RABGAP1L: variants seen among roughly 807,000 people sequenced by gnomAD.
RABGAP1L encodes the protein rab GTPase-activating protein 1-like.
RABGAP1L carries 63 observed loss-of-function variants against 137.7 expected under a neutral mutation model. The ratio of observed to expected loss-of-function variants is 0.46; its 90% CI spans 0.37 to 0.56. The LOEUF (loss-of-function observed/expected upper bound fraction) is 0.56. RABGAP1L is among the 20% of genes least tolerant of loss of function. RABGAP1L has a pLI of 0.00. For synonymous variants in RABGAP1L, 431 were observed against 433.7 expected (o/e 0.99, Z 0.08); for missense variants, 1,095 against 1,244.0 (o/e 0.88, Z 1.80).
chr1:174,708,382 T>C (rs955666359), intron 17 of RABGAP1L, among the ~76,000 whole-genome samples: 1 of 152,176 alleles, frequency 6.6e-6, no homozygotes, highest in Non-Finnish European at 1.5e-5. Context: ...AGCTCTGGTC[T>C]GCAGCTCCCA....
intron 14 of RABGAP1L, among the ~76,000 whole-genome samples, chr1:174,653,239 G>T (rs1238831349): frequency 1.3e-5 from 2 of 152,178 alleles, no homozygotes; most frequent in African/African-American, 4.8e-5. Flanking sequence ...TGGGCTCCAT[G>T]GGGGTGGGAT....
At chr1:174,715,894 T>G (rs1463710490) in intron 17 of RABGAP1L, among the ~76,000 whole-genome samples, 1 of 152,216 alleles carries the variant, frequency 6.6e-6, no homozygotes, top group Non-Finnish European at 1.5e-5. Flanking sequence ...CTTTTCCAGC[T>G]GCACTTTTCA....
intron 4 of RABGAP1L, among the ~76,000 whole-genome samples, chr1:174,240,111 TGTTTTG>T (rs1671667691): frequency 6.6e-6 from 1 of 152,244 alleles, no homozygotes; most frequent in Admixed American, 6.5e-5. Flanking sequence ...AGAGATTTAG[TGTTTTG>T]ACTTGCCTCT....
chr1:174,403,556 A>C (rs1476868431), intron 13 of RABGAP1L, among the ~76,000 whole-genome samples: 1 of 152,100 alleles, frequency 6.6e-6, no homozygotes, highest in Non-Finnish European at 1.5e-5. Context: ...TAAAATGATG[A>C]AGTGCTTGGC....
chr1:174,186,337 G>A (rs751643266), intron 1 of RABGAP1L, among the ~76,000 whole-genome samples: 3 of 152,150 alleles, frequency 2.0e-5, no homozygotes, highest in Non-Finnish European at 4.4e-5. Flanking sequence ...GGCAGATGGT[G>A]AAGATGCAAG....
intron 12 of RABGAP1L, 97 bp downstream of exon 12, chr1:174,371,169 T>G: frequency 1.8e-6 from 1 of 564,906 alleles, no homozygotes; most frequent in Admixed American, 3.2e-5. Flanking sequence ...TTTTAAAGGA[T>G]TAATATTAAA....
At chr1:174,221,451 G>A (rs1431442327) in intron 3 of RABGAP1L, among the ~76,000 whole-genome samples, 1 of 152,170 alleles carries the variant, frequency 6.6e-6, no homozygotes, top group Non-Finnish European at 1.5e-5. Flanking sequence ...ATACTTGGGT[G>A]TCACAGAATA....
chr1:174,739,314 ATTAC>A (rs772555848), intron 17 of RABGAP1L, among the ~76,000 whole-genome samples: 3 of 152,364 alleles, frequency 2.0e-5, no homozygotes, highest in Non-Finnish European at 4.4e-5. Flanking sequence ...TGCTAGATAA[ATTAC>A]TTAACTGAAA....
chr1:174,752,491 C>G, intron 18 of RABGAP1L, 137 bp downstream of exon 18: 1 of 577,268 alleles, frequency 1.7e-6, no homozygotes, highest in Non-Finnish European at 2.9e-6. Context: ...CTGAGAAACT[C>G]TGATCCTCTT....
rs1679827095 is a variant in RABGAP1L, at chr1:174,703,575, A to G, written c.2169+1319A>G. Among the ~76,000 whole-genome samples the G allele has an allele frequency of 3.9e-5, 6 of 152,064 alleles. No homozygotes were observed. In the South Asian group the frequency reaches 1.2e-3, roughly 31 times the overall value. On this transcript the variant is annotated intron_variant, in intron 17 of 25. Transcript: ENST00000681986. ...TAAGTGCACGAATCTTTTTTTATAC[A>G]CTGATTTCTTTTCCTTTGGATAGGT...
chr1:174,812,659 A>T (rs1689986845), intron 19 of RABGAP1L, among the ~76,000 whole-genome samples: 1 of 152,216 alleles, frequency 6.6e-6, no homozygotes, highest in Non-Finnish European at 1.5e-5. Flanking sequence ...ACATTCTTGC[A>T]GAAGGAAACA....
At chr1:174,501,772 T>C (rs1398988431) in intron 13 of RABGAP1L, among the ~76,000 whole-genome samples, 1 of 152,168 alleles carries the variant, frequency 6.6e-6, no homozygotes, top group African/African-American at 2.4e-5. Flanking sequence ...TTAGTGTTTC[T>C]AAAACACTTG....
At chr1:174,600,709 T>C (rs1415332139) in intron 13 of RABGAP1L, among the ~76,000 whole-genome samples, 1 of 152,190 alleles carries the variant, frequency 6.6e-6, no homozygotes, top group Non-Finnish European at 1.5e-5. Context: ...CTTGGGTAGC[T>C]CCACCCCTGT....
intron 13 of RABGAP1L, among the ~76,000 whole-genome samples, chr1:174,467,572 T>TA (rs1263410200): frequency 1.3e-5 from 2 of 152,100 alleles, no homozygotes; most frequent in Admixed American, 1.3e-4. Context: ...CACTAATAAA[T>TA]ACTAAATAAC....
chr1:174,273,817 G>GTCTC (rs1170047851), intron 8 of RABGAP1L, among the ~76,000 whole-genome samples: 4 of 152,086 alleles, frequency 2.6e-5, no homozygotes, highest in Non-Finnish European at 4.4e-5. Context: ...CCTTCACTAT[G>GTCTC]TCTCTCTAAC....
At chr1:174,607,225 A>G (rs1266189916) in intron 13 of RABGAP1L, among the ~76,000 whole-genome samples, 1 of 152,202 alleles carries the variant, frequency 6.6e-6, no homozygotes, top group South Asian at 2.1e-4. Context: ...TAGTTGCCCT[A>G]CTGAAATCCT....
intron 15 of RABGAP1L, among the ~76,000 whole-genome samples, chr1:174,695,323 TCTGA>T (rs151179044): frequency 0.086 from 13,053 of 152,160 alleles, 753 homozygotes; most frequent in East Asian, 0.21. Flanking sequence ...TTGTTTCTCC[TCTGA>T]CTATGTATTT....
At chr1:174,286,782 A>G (rs186522963) in intron 10 of RABGAP1L, among the ~76,000 whole-genome samples, 3 of 152,018 alleles carry the variant, frequency 2.0e-5, no homozygotes, top group African/African-American at 7.2e-5. Flanking sequence ...TGTATTTTAA[A>G]TTTCCTTTTG....
chr1:174,500,297 C>G (rs1399273989), intron 13 of RABGAP1L, among the ~76,000 whole-genome samples: 1 of 152,244 alleles, frequency 6.6e-6, no homozygotes, highest in South Asian at 2.1e-4. Context: ...CCAGGGTGGT[C>G]TCAAACTTCT....
Sources: gnomAD v4.1 joint callset for allele counts (sites outside exome capture counted in the v4.1 genomes callset) on GRCh38, gnomAD v4.1.1 for gene constraint, MANE v1.5 for transcripts, NCBI Gene and HGNC (gene_info 2026-07-23, HGNC 2026-07-21) for gene names.